The following CNTNAP2 variants were observed in gnomAD, a reference collection of about 807,000 sequenced individuals.
CNTNAP2 encodes the protein contactin associated protein 2.
CNTNAP2 carries 98 observed loss-of-function variants against 155.2 expected under a neutral mutation model. That is an observed-to-expected ratio of 0.63 (90% CI 0.54 to 0.75). The LOEUF (loss-of-function observed/expected upper bound fraction) is 0.75, where lower values mean the gene tolerates loss of function less well. CNTNAP2 is among the 30% of genes least tolerant of loss of function. CNTNAP2 has a pLI of 0.00. For missense variants in CNTNAP2, 1,727 were observed against 1,688.1 expected, an observed-to-expected ratio of 1.02 and a Z score of -0.40; for synonymous variants, 651 against 631.2, an observed-to-expected ratio of 1.03 and a Z score of -0.47.
chr7:146,974,081 C>T (rs182227352), intron 3 of CNTNAP2, among the ~76,000 whole-genome samples: 1 of 152,138 alleles, frequency 6.6e-6, no homozygotes, highest in East Asian at 1.9e-4. Context: ...TGGACTGATA[C>T]CCAGAATAAT....
At chr7:148,133,603 G>T (rs951870025) in intron 16 of CNTNAP2, 1 of 152,240 alleles carries the variant, frequency 6.6e-6, no homozygotes, top group Non-Finnish European at 1.5e-5. Flanking sequence ...GGCAAAGAGA[G>T]AAAGGGAGGA....
intron 10 of CNTNAP2, among the ~76,000 whole-genome samples, chr7:147,472,204 CTTTTTTTTTTTTTTTT>C (rs542047274): frequency 1.2e-5 from 1 of 81,072 alleles, no homozygotes; most frequent in Non-Finnish European, 2.3e-5. Context: ...TCTTTTTTTC[CTTTTTTTTTTTTTTTT>C]TTTTTTTTTT....
intron 13 of CNTNAP2, among the ~76,000 whole-genome samples, chr7:147,666,217 G>A (rs373614403): frequency 1.8e-4 from 27 of 152,266 alleles, no homozygotes; most frequent in East Asian, 1.4e-3. Flanking sequence ...AGCGTTAGTC[G>A]GTTAGACCTT....
intron 13 of CNTNAP2, among the ~76,000 whole-genome samples, chr7:147,651,239 A>C (rs1288308877): frequency 1.3e-5 from 2 of 152,210 alleles, no homozygotes; most frequent in Non-Finnish European, 2.9e-5. Flanking sequence ...CCAGACACAA[A>C]CTGAAGCTGA....
intron 1 of CNTNAP2, among the ~76,000 whole-genome samples, chr7:146,583,082 G>C (rs1335435772): frequency 2.6e-5 from 4 of 152,018 alleles, no homozygotes; most frequent in Admixed American, 2.6e-4. Flanking sequence ...AGAGCCTTTG[G>C]AATGTGATGA....
chr7:147,106,728 G>C (rs1226717454), intron 4 of CNTNAP2, among the ~76,000 whole-genome samples: 1 of 152,140 alleles, frequency 6.6e-6, no homozygotes, highest in African/African-American at 2.4e-5. Context: ...CGAAGTAACT[G>C]TATGCACAAC....
chr7:148,081,622 G>A (rs751047992), intron 15 of CNTNAP2, among the ~76,000 whole-genome samples: 1 of 151,738 alleles, frequency 6.6e-6, no homozygotes, highest in Non-Finnish European at 1.5e-5. Flanking sequence ...AATCATGTGA[G>A]TTAATATTTA....
chr7:147,255,286 A>T (rs761613355), intron 8 of CNTNAP2, among the ~76,000 whole-genome samples: 4 of 152,176 alleles, frequency 2.6e-5, no homozygotes, highest in Non-Finnish European at 5.9e-5. Context: ...CAGTAGTGGA[A>T]TCTCAACTCA....
At chr7:146,784,042 G>T (rs944058829) in intron 2 of CNTNAP2, among the ~76,000 whole-genome samples, 2 of 152,082 alleles carry the variant, frequency 1.3e-5, no homozygotes, top group Non-Finnish European at 2.9e-5. Flanking sequence ...AAAGTTCTTT[G>T]ATAATAAGTC....
At chr7:146,331,278 T>C (rs181257919) in intron 1 of CNTNAP2, among the ~76,000 whole-genome samples, 8,531 of 137,508 alleles carry the variant, frequency 0.062, 347 homozygotes, top group African/African-American at 0.13. Flanking sequence ...CACTCCAGCC[T>C]GGGCGACAGA....
intron 18 of CNTNAP2, among the ~76,000 whole-genome samples, chr7:148,184,467 C>T (rs1022866293): frequency 6.6e-6 from 1 of 152,100 alleles, no homozygotes; most frequent in Non-Finnish European, 1.5e-5. Flanking sequence ...TTACCTGTGC[C>T]AGTAGCCAAT....
At chr7:147,785,768 G>A (rs969757602) in intron 13 of CNTNAP2, among the ~76,000 whole-genome samples, 2 of 152,212 alleles carry the variant, frequency 1.3e-5, no homozygotes, top group African/African-American at 4.8e-5. Flanking sequence ...AAGGCATATG[G>A]ATCACCTGAG....
chr7:148,390,632 T>G (rs1188038758), intron 22 of CNTNAP2, among the ~76,000 whole-genome samples: 1 of 152,212 alleles, frequency 6.6e-6, no homozygotes, highest in Non-Finnish European at 1.5e-5. Context: ...AAATTAGAAT[T>G]GAAGACATCT....
chr7:147,791,553 T>C (rs1454064976), intron 13 of CNTNAP2, among the ~76,000 whole-genome samples: 1 of 151,922 alleles, frequency 6.6e-6, no homozygotes, highest in African/African-American at 2.4e-5. Flanking sequence ...AATTCGGTTA[T>C]GAAGATAAAA....
chr7:148,018,657 C>T (rs4726908), intron 15 of CNTNAP2, among the ~76,000 whole-genome samples: 1 of 152,002 alleles, frequency 6.6e-6, no homozygotes, highest in African/African-American at 2.4e-5. Context: ...CAAAAGTGAC[C>T]GGGATCAAGG....
At chr7:146,222,270 G>A (rs1218631526) in intron 1 of CNTNAP2, among the ~76,000 whole-genome samples, 1 of 152,230 alleles carries the variant, frequency 6.6e-6, no homozygotes, top group East Asian at 1.9e-4. Flanking sequence ...ACAAGAGAAA[G>A]GATACTTTGT....
chr7:148,215,391 T>G (rs1795618595), intron 18 of CNTNAP2, among the ~76,000 whole-genome samples: 1 of 152,144 alleles, frequency 6.6e-6, no homozygotes, highest in Non-Finnish European at 1.5e-5. Flanking sequence ...TGTAGAACCG[T>G]TTTTTTGTGT....
At chr7:147,021,182 AC>A (rs1770500750) in intron 3 of CNTNAP2, among the ~76,000 whole-genome samples, 1 of 151,862 alleles carries the variant, frequency 6.6e-6, no homozygotes, top group African/African-American at 2.4e-5. Flanking sequence ...CTTTATTAAA[AC>A]CTTATGATTT....
chr7:146,169,058 A>G (rs981410314), intron 1 of CNTNAP2, among the ~76,000 whole-genome samples: 1 of 152,100 alleles, frequency 6.6e-6, no homozygotes, highest in Non-Finnish European at 1.5e-5. Flanking sequence ...CATCTTCCAA[A>G]TATCCTCATT....
Sources: allele counts gnomAD v4.1 joint callset (sites outside exome capture counted in the v4.1 genomes callset), GRCh38; gene constraint gnomAD v4.1.1; transcripts MANE v1.5; gene names NCBI Gene and HGNC (gene_info 2026-07-23, HGNC 2026-07-21).